ABHD2: variants seen among roughly 807,000 people sequenced by gnomAD.
The protein encoded by ABHD2 is monoacylglycerol lipase ABHD2.
A neutral mutation model predicts 48.1 loss-of-function variants in ABHD2; 20 were observed. The ratio of observed to expected loss-of-function variants is 0.42; its 90% CI spans 0.29 to 0.60. The LOEUF (loss-of-function observed/expected upper bound fraction) is 0.60. ABHD2 is among the 20% of genes least tolerant of loss of function. The pLI is 0.24. For synonymous variants in ABHD2, 209 were observed against 214.2 expected (o/e 0.98, Z 0.21); for missense variants, 405 against 550.9 (o/e 0.74, Z 2.65).
chr15:89,080,432 G>T, the ABHD2 span, among the ~76,000 whole-genome samples: 16 of 152,234 alleles, frequency 1.1e-4, no homozygotes, highest in African/African-American at 3.9e-4. Context: ...AGACCAGCTA[G>T]AAGTGTTCTG....
At chr15:89,110,193 G>T (rs530444840) in intron 1 of ABHD2, among the ~76,000 whole-genome samples, 1 of 152,086 alleles carries the variant, frequency 6.6e-6, no homozygotes, top group East Asian at 1.9e-4. Context: ...GCCTCAGCCT[G>T]GGATTACAGG....
intron 1 of ABHD2, among the ~76,000 whole-genome samples, chr15:89,107,742 G>C (rs917891870): frequency 6.6e-6 from 1 of 152,174 alleles, no homozygotes; most frequent in Admixed American, 6.5e-5. Flanking sequence ...TCTTCAACCA[G>C]ATGGAATTGG....
At chr15:89,071,982 A>C in the ABHD2 span, among the ~76,000 whole-genome samples, 2 of 152,240 alleles carry the variant, frequency 1.3e-5, no homozygotes, top group African/African-American at 4.8e-5. Context: ...TTTAACACTA[A>C]AGTGTTGTGT....
In ABHD2 at chr15:89,115,370, A is replaced by ATG. The variant is rs1164718189; in HGVS notation, c.-6-892_-6-891dup. Among the ~76,000 whole-genome samples the ATG allele has an allele frequency of 3.8e-3, 386 of 100,612 alleles. 2 individuals are homozygous for ATG. The highest frequency in any genetic ancestry group is 0.018 in the Admixed American group (198 of 10,938). 66.0% of individuals were successfully genotyped at this position (100,612 alleles called of 152,430 possible). Reference sequence around the variant, plus strand: ...TGTTTGGTTTTATATGTTTGGAGGTATGTGTGTGTGTGTGTGTGTGTGTGT... The same window carrying ATG: ...TGTTTGGTTTTATATGTTTGGAGGTATGTGTGTGTGTGTGTGTGTGTGTGTGT... On this transcript the variant is annotated intron_variant, in intron 2 of 10. Transcript: ENST00000352732.
chr15:89,116,555 T>C lies in ABHD2; in HGVS notation c.194+34T>C, dbSNP rs764348588. 4 of 1,586,846 alleles carry C rather than the reference T, an allele frequency of 2.5e-6. No homozygotes were observed. The South Asian group carries it at 4.5e-5, about 18-fold the overall frequency. ...ACCTCATGCCCTCTGTATGCTCAGC[T>C]GCTGATGTATTTGGCTTTGTGTGAT... On this transcript the variant is annotated intron_variant, in intron 3 of 10. Transcript: ENST00000352732. The surrounding 1 kb of genome is among the most constrained non-coding windows in gnomAD (Gnocchi z 4.6).
At chr15:89,129,196 G>C (rs2050181376) in intron 3 of ABHD2, among the ~76,000 whole-genome samples, 1 of 151,048 alleles carries the variant, frequency 6.6e-6, no homozygotes, top group Non-Finnish European at 1.5e-5. Flanking sequence ...GCTGCAGGTA[G>C]GGGAGGTTGT....
rs1242206284 is a variant in ABHD2 at position 89,175,080 on chromosome 15, A to C, written c.539-732A>C. On this transcript the variant is annotated intron_variant, in intron 5 of 10. Coordinates refer to ENST00000352732, the MANE Select transcript of ABHD2 (RefSeq NM_152924.5). This position sits in a 1 kb window ranked among gnomAD's most constrained non-coding sequence, Gnocchi z 5.7. ...AAGTTTATCTTTCCTCTCCTTTCCA[A>C]CTCTGTCAAGAAGATTCTGTAAATA... 6.6e-6 allele frequency among the ~76,000 whole-genome samples: 1 copy of C among 151,760 alleles called. No individual in the cohort carries two copies. The highest frequency in any genetic ancestry group is 1.5e-5 in the Non-Finnish European group (1 of 67,904).
chr15:89,192,025 CAT>C (rs149577287), intron 9 of ABHD2, among the ~76,000 whole-genome samples: 3,081 of 152,278 alleles, frequency 0.02, 112 homozygotes, highest in African/African-American at 0.07. Flanking sequence ...CCAAAATCTC[CAT>C]ATGTTTGTTT....
rs369870994 is a variant in ABHD2, at chr15:89,140,672, C to G, written c.195-11005C>G. ...CTCCATTCAAAGGAGCACAGGCCCC[C>G]CCTGTGTGTGATCTGGGAGCCTCAC... On this transcript the variant is annotated intron_variant, in intron 3 of 10. Coordinates refer to ENST00000352732, the MANE Select transcript of ABHD2 (RefSeq NM_152924.5). Among the ~76,000 whole-genome samples, 18 of 152,254 alleles carry G rather than the reference C, an allele frequency of 1.2e-4. No homozygotes were observed. In the East Asian group the frequency reaches 3.5e-3, roughly 29 times the overall value.
chr15:89,148,198 G>A lies in ABHD2; in HGVS notation c.195-3479G>A, dbSNP rs142817148. Among the ~76,000 whole-genome samples, 287 of 150,962 alleles carry A rather than the reference G, an allele frequency of 1.9e-3. 2 individuals are homozygous for A. Among genetic ancestry groups the A allele is most frequent in the African/African-American group, 6.6e-3 (271 of 41,186 alleles). Reference sequence around the variant, plus strand: ...ATTGGAGAAAACATTTGTAACATATGATAGATAATGGCTTAATGTAGGGAT... The same window carrying A: ...ATTGGAGAAAACATTTGTAACATATAATAGATAATGGCTTAATGTAGGGAT... On this transcript the variant is annotated intron_variant, in intron 3 of 10. Transcript: ENST00000352732.
At chr15:89,069,556 A>G in the ABHD2 span, among the ~76,000 whole-genome samples, 19 of 151,218 alleles carry the variant, frequency 1.3e-4, no homozygotes, top group Admixed American at 7.9e-4. Context: ...TGCTTTCTTT[A>G]TAATTTTGCC....
chr15:89,151,889 C>G lies in ABHD2; in HGVS notation c.370+37C>G. The G allele has an allele frequency of 6.2e-7, 1 of 1,604,282 alleles. No homozygotes were observed. Among genetic ancestry groups the G allele is most frequent in the Non-Finnish European group, 8.5e-7 (1 of 1,174,664 alleles). On this transcript the variant is annotated intron_variant, in intron 4 of 10. Transcript: ENST00000352732. The surrounding 1 kb of genome is among the most constrained non-coding windows in gnomAD (Gnocchi z 4.7). ...TAGATTGTGTGATTGAGCCATCACT[C>G]AGAGAAGGAGCACTAGTCAGTGGAG...
At chr15:89,127,715 A>ATATATATG (rs1368210065) in intron 3 of ABHD2, among the ~76,000 whole-genome samples, 5 of 86,710 alleles carry the variant, frequency 5.8e-5, no homozygotes, top group African/African-American at 3.1e-4. Flanking sequence ...ACATATATAT[A>ATATATATG]TATACACATA....
chr15:89,106,437 C>T lies in ABHD2; in HGVS notation c.-106-7288C>T, dbSNP rs1049222841. The stretch of plus-strand genomic sequence containing the variant: ...TGAGCTGCTGGCTAAGGTGCTCACT[C>T]ACCTCATTAGACCTTACCGAGAGTG... On this transcript the variant is annotated intron_variant, in intron 1 of 10. Transcript: ENST00000352732. This position sits in a 1 kb window ranked among gnomAD's most constrained non-coding sequence, Gnocchi z 4.2. 1.3e-5 allele frequency: 2 copies of T among 148,762 alleles called. No individual in the cohort carries two copies. Among genetic ancestry groups the T allele is most frequent in the African/African-American group, 2.6e-5 (1 of 38,236 alleles). 9.2% of individuals were successfully genotyped at this position (148,762 alleles called of 1,614,324 possible).
chr15:89,116,343 G>C lies in ABHD2; in HGVS notation c.16G>C (p.Glu6Gln). 6.2e-7 allele frequency: 1 copy of C among 1,613,952 alleles called. No homozygotes were observed. Among genetic ancestry groups the C allele is most frequent in the Non-Finnish European group, 8.5e-7 (1 of 1,179,882 alleles). The change falls in exon 3 of 11, where the codon GAG becomes CAG. Residue 6 changes from glutamate (E) to glutamine (Q), a missense_variant. Physicochemically the swap from Glu to Gln is conservative, Grantham distance 29. Coordinates refer to ENST00000352732, the MANE Select transcript of ABHD2 (RefSeq NM_152924.5). The surrounding 1 kb of genome is among the most constrained non-coding windows in gnomAD (Gnocchi z 4.6). MNAML[E>Q]TPELPAVFDG... ...CCAGATCAAGATGAATGCCATGCTGGAGACTCCCGAACTCCCAGCCGTGTT... is the reference window on the plus strand; with the variant it reads ...CCAGATCAAGATGAATGCCATGCTGCAGACTCCCGAACTCCCAGCCGTGTT...
At position 89,179,247 on chromosome 15, in the gene ABHD2, G is replaced by T; in HGVS notation, c.722+3252G>T. Among the ~76,000 whole-genome samples, 1 of 152,204 alleles carries T rather than the reference G, an allele frequency of 6.6e-6. No individual in the cohort carries two copies. The highest frequency in any genetic ancestry group is 1.9e-4 in the East Asian group (1 of 5,194). ...CAGCAGGGGTCCCAACTGCTGTTAGGAACCAGGCCGCACAGCAGGAGGTGA... is the reference window on the plus strand; with the variant it reads ...CAGCAGGGGTCCCAACTGCTGTTAGTAACCAGGCCGCACAGCAGGAGGTGA... On this transcript the variant is annotated intron_variant, in intron 6 of 10. Transcript: ENST00000352732. This position sits in a 1 kb window ranked among gnomAD's most constrained non-coding sequence, Gnocchi z 4.3.
At chr15:89,124,145 C>G (rs2050096953) in intron 3 of ABHD2, among the ~76,000 whole-genome samples, 1 of 152,202 alleles carries the variant, frequency 6.6e-6, no homozygotes, top group African/African-American at 2.4e-5. Flanking sequence ...TAGAAATACA[C>G]TACAGAAAAG....
Position 89,173,342 on chromosome 15 carries a change from GCAGGCAGATCACCTGAGGT to G in ABHD2, c.539-2465_539-2447del, listed in dbSNP as rs2050959701. 6.6e-6 allele frequency among the ~76,000 whole-genome samples: 1 copy of G among 152,188 alleles called. No homozygotes were observed. Among genetic ancestry groups the G allele is most frequent in the Admixed American group, 6.5e-5 (1 of 15,282 alleles). On this transcript the variant is annotated intron_variant, in intron 5 of 10. Transcript: ENST00000352732. The surrounding 1 kb of genome is among the most constrained non-coding windows in gnomAD (Gnocchi z 6.5). ...AATCCCAGCACTTTGGGAGGCGGAG[GCAGGCAGATCACCTGAGGT>G]CAGGAGTTCAAGACCAGACTGGCCA...
chr15:89,179,937 A>G lies in ABHD2; in HGVS notation c.722+3942A>G, dbSNP rs541646680. Among the ~76,000 whole-genome samples, 1 of 152,324 alleles carries G rather than the reference A, an allele frequency of 6.6e-6. No homozygotes were observed. The highest frequency in any genetic ancestry group is 2.4e-5 in the African/African-American group (1 of 41,590). On this transcript the variant is annotated intron_variant, in intron 6 of 10. Transcript: ENST00000352732. This position sits in a 1 kb window ranked among gnomAD's most constrained non-coding sequence, Gnocchi z 4.3. ...AGGCAGGTACCACTTTTCCTGCCAA[A>G]TGGTGGGGATATTGTCTCTCTTGCT... is the stretch of plus-strand genomic sequence containing the variant.
Sources: gnomAD v4.1 joint callset for allele counts (sites outside exome capture counted in the v4.1 genomes callset) on GRCh38, gnomAD v4.1.1 for gene constraint, Gnocchi (gnomAD v3.1) non-coding constraint, MANE v1.5 for transcripts, NCBI Gene and HGNC (gene_info 2026-07-23, HGNC 2026-07-21) for gene names.